CACNB4: variants seen among roughly 807,000 people sequenced by gnomAD.
CACNB4 encodes voltage-dependent L-type calcium channel subunit beta-4.
CACNB4 carries 32 observed loss-of-function variants against 71.2 expected under a neutral mutation model. That is an observed-to-expected ratio of 0.45 (90% confidence interval 0.34 to 0.60). The LOEUF (loss-of-function observed/expected upper bound fraction) is 0.60, where lower values mean the gene tolerates loss of function less well. Among genes scored for constraint, CACNB4 ranks in the 20% least tolerant of loss-of-function variants. The pLI is 0.01. For synonymous variants in CACNB4, 231 were observed against 236.9 expected (o/e 0.97, Z 0.23); for missense variants, 464 against 647.9 (o/e 0.72, Z 3.08).
intron 2 of CACNB4, among the ~76,000 whole-genome samples, chr2:152,032,073 G>C (rs765642153): frequency 1.3e-4 from 20 of 152,182 alleles, no homozygotes; most frequent in Admixed American, 3.3e-4. Flanking sequence ...ATAGTGTGGG[G>C]AAAGGATGTG....
At chr2:152,024,917 G>A (rs1024049188) in intron 2 of CACNB4, among the ~76,000 whole-genome samples, 4 of 152,156 alleles carry the variant, frequency 2.6e-5, no homozygotes, top group Admixed American at 6.5e-5. Flanking sequence ...TTAGCCAGGC[G>A]TGGTGGCACG....
chr2:152,060,558 C>G (rs1210006424), intron 2 of CACNB4, among the ~76,000 whole-genome samples: 1 of 152,196 alleles, frequency 6.6e-6, no homozygotes, highest in Non-Finnish European at 1.5e-5. Flanking sequence ...AGCTATTCCA[C>G]AACTCATGTC....
At position 152,098,392 on chromosome 2, in the gene CACNB4, G is replaced by C; in HGVS notation, c.85C>G (p.Arg29Gly). 1 of 1,613,486 alleles carries C rather than the reference G, an allele frequency of 6.2e-7. No homozygotes were observed. The highest frequency in any genetic ancestry group is 8.5e-7 in the Non-Finnish European group (1 of 1,179,490). Residue 29 changes from arginine to glycine, a missense_variant, in exon 2 of 14, where the codon CGG becomes GGG. Arg to Gly is a moderately radical substitution (Grantham distance 125, BLOSUM62 -2). This residue lies in a region of CACNB4 where 50 missense variants were observed against 47.5 expected (regional missense o/e 1.05). Transcript: ENST00000539935. The surrounding 1 kb of genome is among the most constrained non-coding windows in gnomAD (Gnocchi z 5.3). ...TCGGATCTTTTCAACCTGCTCCTCC[G>C]GGTTGTGGTGCCTCGGGCCACCTGG... ...TSQVARGTTT[R>G]RSRLKRSDGS...
intron 2 of CACNB4, among the ~76,000 whole-genome samples, chr2:152,006,970 T>A (rs995631278): frequency 1.3e-5 from 2 of 152,158 alleles, no homozygotes; most frequent in African/African-American, 2.4e-5. Context: ...TAATCTTCCC[T>A]TTCTCAGTTG....
At chr2:151,934,238 T>C (rs181061304) in intron 2 of CACNB4, among the ~76,000 whole-genome samples, 1 of 152,356 alleles carries the variant, frequency 6.6e-6, no homozygotes, top group Admixed American at 6.5e-5. Flanking sequence ...ATGTAAACTT[T>C]GTAAACTTGG....
Position 151,843,173 on chromosome 2 carries a change from C to T in CACNB4, c.1117-1085G>A, listed in dbSNP as rs1474049107. Among the ~76,000 whole-genome samples, 4 of 152,156 alleles carry T rather than the reference C, an allele frequency of 2.6e-5. No individual in the cohort carries two copies. In the East Asian group the frequency reaches 7.7e-4, roughly 29 times the overall value. The stretch of plus-strand genomic sequence containing the variant: ...TTCTGTTCCAGAGGAGCAGGGTGGC[C>T]CCCCTGTCATTGCAGTGTGGCTGGG... On this transcript the variant is annotated intron_variant, in intron 12 of 13. Coordinates refer to ENST00000539935, the MANE Select transcript of CACNB4 (RefSeq NM_000726.5).
chr2:151,872,084 C>T, intron 6 of CACNB4: 1 of 269,008 alleles, frequency 3.7e-6, no homozygotes, highest in South Asian at 3.7e-5. Context: ...TCATTTTTTT[C>T]CTTTTTTTAT....
chr2:151,953,941 CTCAGA>C (rs1313475281), intron 2 of CACNB4, among the ~76,000 whole-genome samples: 1 of 152,236 alleles, frequency 6.6e-6, no homozygotes, highest in African/African-American at 2.4e-5. Flanking sequence ...ATTTACAAAG[CTCAGA>C]TGTCTTTACA....
At chr2:152,055,650 T>C (rs1685685517) in intron 2 of CACNB4, among the ~76,000 whole-genome samples, 1 of 152,242 alleles carries the variant, frequency 6.6e-6, no homozygotes, top group Admixed American at 6.5e-5. Flanking sequence ...CTGCAAAGTC[T>C]AGATAAGGCT....
At chr2:152,041,858 T>C (rs1684889684) in intron 2 of CACNB4, among the ~76,000 whole-genome samples, 2 of 152,242 alleles carry the variant, frequency 1.3e-5, no homozygotes, top group East Asian at 3.8e-4. Flanking sequence ...AGACCCTGCG[T>C]GAGCACTAAT....
chr2:152,028,564 A>G (rs776300659), intron 2 of CACNB4, among the ~76,000 whole-genome samples: 22 of 152,198 alleles, frequency 1.4e-4, no homozygotes, highest in African/African-American at 5.1e-4. Context: ...ATATATAACC[A>G]TATCATTTAA....
chr2:151,948,533 T>C (rs1352418555), intron 2 of CACNB4, among the ~76,000 whole-genome samples: 3 of 152,036 alleles, frequency 2.0e-5, no homozygotes, highest in Non-Finnish European at 4.4e-5. Flanking sequence ...TAGTGATGCA[T>C]GCCTGTAGTC....
At chr2:152,085,604 C>A (rs1159422272) in intron 2 of CACNB4, among the ~76,000 whole-genome samples, 1 of 152,066 alleles carries the variant, frequency 6.6e-6, no homozygotes, top group Non-Finnish European at 1.5e-5. Flanking sequence ...GCTCTTGCGG[C>A]TTCCTTTCAG....
chr2:151,982,709 A>G (rs901662469), intron 2 of CACNB4, among the ~76,000 whole-genome samples: 1 of 152,142 alleles, frequency 6.6e-6, no homozygotes, highest in Admixed American at 6.5e-5. Flanking sequence ...AACTTCCAGC[A>G]TACAGATGAG....
At chr2:152,052,251 A>G (rs1579204954) in intron 2 of CACNB4, among the ~76,000 whole-genome samples, 1 of 152,364 alleles carries the variant, frequency 6.6e-6, no homozygotes, top group East Asian at 1.9e-4. Context: ...TGAATGTCTC[A>G]TGTAATTCAT....
At chr2:151,873,152 A>C (rs1269303947) in intron 5 of CACNB4, 1 of 152,238 alleles carries the variant, frequency 6.6e-6, no homozygotes, top group Non-Finnish European at 1.5e-5. Flanking sequence ...ACAAATATGG[A>C]TTGTACATCC....
chr2:151,930,263 G>C (rs2151600053), intron 2 of CACNB4, among the ~76,000 whole-genome samples: 1 of 152,318 alleles, frequency 6.6e-6, no homozygotes, highest in South Asian at 2.1e-4. Context: ...GGAGATGACA[G>C]ATTAATGATA....
chr2:151,944,669 G>A (rs2099865142), intron 2 of CACNB4, among the ~76,000 whole-genome samples: 1 of 152,166 alleles, frequency 6.6e-6, no homozygotes, highest in Admixed American at 6.5e-5. Context: ...GCACACGCCT[G>A]TAATCCCAGA....
chr2:152,007,203 A>G (rs778312233), intron 2 of CACNB4, among the ~76,000 whole-genome samples: 1 of 152,156 alleles, frequency 6.6e-6, no homozygotes, highest in Non-Finnish European at 1.5e-5. Flanking sequence ...TCATGGGAAA[A>G]TATGCATAAC....
Sources: gnomAD v4.1 joint callset for allele counts (sites outside exome capture counted in the v4.1 genomes callset) on GRCh38, gnomAD v4.1.1 for gene constraint, gnomAD v4.1.1 regional missense constraint, Gnocchi (gnomAD v3.1) non-coding constraint, MANE v1.5 for transcripts, NCBI Gene and HGNC (gene_info 2026-07-23, HGNC 2026-07-21) for gene names.